The following PATJ variants were observed in gnomAD, a reference collection of about 807,000 sequenced individuals.
The protein encoded by PATJ is PATJ crumbs cell polarity complex component, also known as inaD-like protein.
In PATJ, 190 loss-of-function variants were observed where a neutral mutation model predicts 224.9. The ratio of observed to expected loss-of-function variants is 0.84; its 90% CI spans 0.75 to 0.95. The LOEUF is 0.95. Among genes scored for constraint, PATJ ranks in the 40% least tolerant of loss-of-function variants. The pLI is 0.00. For missense variants in PATJ, 2,121 were observed against 2,270.3 expected, an observed-to-expected ratio of 0.93 and a Z score of 1.34; for synonymous variants, 769 against 820.3, an observed-to-expected ratio of 0.94 and a Z score of 1.07.
intron 41 of PATJ, among the ~76,000 whole-genome samples, chr1:62,142,205 C>T (rs1667573555): frequency 6.6e-6 from 1 of 152,128 alleles, no homozygotes; most frequent in Admixed American, 6.6e-5. Flanking sequence ...CAACAGTACC[C>T]GTGTAACTTC....
At chr1:61,998,524 G>T (rs1645555002) in intron 28 of PATJ, among the ~76,000 whole-genome samples, 1 of 152,184 alleles carries the variant, frequency 6.6e-6, no homozygotes, top group Admixed American at 6.5e-5. Flanking sequence ...ACTGTGCCCA[G>T]CCTGTCTTCT....
chr1:62,155,915 G>A (rs28393603), intron 43 of PATJ, among the ~76,000 whole-genome samples: 5 of 151,468 alleles, frequency 3.3e-5, no homozygotes, highest in East Asian at 3.9e-4. Context: ...AAAATTAGCC[G>A]GGCATGGTGG....
intron 6 of PATJ, among the ~76,000 whole-genome samples, chr1:61,773,040 G>T (rs113022336): frequency 0.011 from 1,679 of 151,776 alleles, 10 homozygotes; most frequent in Non-Finnish European, 0.016. Flanking sequence ...GCTTTTTTTT[G>T]AGATGGAGTC....
At chr1:62,100,429 G>C (rs1183057555) in intron 33 of PATJ, 1 of 717,886 alleles carries the variant, frequency 1.4e-6, no homozygotes, top group Non-Finnish European at 2.6e-6. Flanking sequence ...GAGGCAGAGA[G>C]GGAGGGGGGC....
At chr1:61,786,071 G>T (rs910778245) in intron 7 of PATJ, among the ~76,000 whole-genome samples, 2 of 152,096 alleles carry the variant, frequency 1.3e-5, no homozygotes, top group African/African-American at 4.8e-5. Flanking sequence ...GCCCAAGCTG[G>T]AGTGCAGTGG....
chr1:61,760,417 G>T (rs1391978429), intron 1 of PATJ, among the ~76,000 whole-genome samples: 1 of 151,974 alleles, frequency 6.6e-6, no homozygotes, highest in Admixed American at 6.6e-5. Flanking sequence ...TTCTTTGATG[G>T]TTCATTACAA....
intron 29 of PATJ, among the ~76,000 whole-genome samples, chr1:62,035,789 T>C (rs1417948658): frequency 3.3e-5 from 5 of 151,864 alleles, no homozygotes; most frequent in South Asian, 4.2e-4. Context: ...AGGTAAAATA[T>C]GAAAGGAGCA....
intron 1 of PATJ, among the ~76,000 whole-genome samples, chr1:61,752,626 T>C (rs1029408180): frequency 5.3e-5 from 8 of 152,166 alleles, no homozygotes; most frequent in African/African-American, 7.2e-5. Flanking sequence ...GCGCCTGGCC[T>C]TCATTTCTTT....
At chr1:62,124,530 G>GATACCTCT (rs1350694203) in intron 39 of PATJ, among the ~76,000 whole-genome samples, 5 of 152,202 alleles carry the variant, frequency 3.3e-5, no homozygotes, top group African/African-American at 1.2e-4. Flanking sequence ...TCTGTTTGAA[G>GATACCTCT]GCATTCTACC....
intron 33 of PATJ, among the ~76,000 whole-genome samples, chr1:62,091,736 G>C (rs576499324): frequency 6.6e-6 from 1 of 151,938 alleles, no homozygotes; most frequent in South Asian, 2.1e-4. Context: ...CGGCAACATA[G>C]TGAGACCCCA....
At chr1:61,873,295 G>A (rs1666893726) in intron 20 of PATJ, among the ~76,000 whole-genome samples, 1 of 152,022 alleles carries the variant, frequency 6.6e-6, no homozygotes, top group Admixed American at 6.6e-5. Flanking sequence ...AGCCTCCTGA[G>A]TAGCTGGGAC....
chr1:61,816,907 GCTGATACT>G (rs1656217420), intron 14 of PATJ, among the ~76,000 whole-genome samples: 1 of 152,158 alleles, frequency 6.6e-6, no homozygotes, highest in African/African-American at 2.4e-5. Flanking sequence ...GTTCCTCCTT[GCTGATACT>G]CTGATTCTGT....
At chr1:61,939,728 G>A (rs577743806) in intron 27 of PATJ, among the ~76,000 whole-genome samples, 87 of 116,884 alleles carry the variant, frequency 7.4e-4, no homozygotes, top group African/African-American at 2.9e-3. Context: ...ATGCTGGACT[G>A]CAGTGGTGTG....
At chr1:61,928,227 A>C (rs946326774) in intron 27 of PATJ, among the ~76,000 whole-genome samples, 2 of 152,308 alleles carry the variant, frequency 1.3e-5, no homozygotes, top group African/African-American at 4.8e-5. Flanking sequence ...AAGGCCCACC[A>C]ACTTGTATTT....
At chr1:62,136,673 GTGTGTGTGTGTGTGTGTGTC>G (rs1156829816) in intron 41 of PATJ, among the ~76,000 whole-genome samples, 7 of 150,900 alleles carry the variant, frequency 4.6e-5, no homozygotes, top group African/African-American at 1.5e-4. Flanking sequence ...GTCTGTGTGT[GTGTGTGTGTGTGTGTGTGTC>G]TGTGTGTGTG....
chr1:61,743,001 C>T (rs940405442), intron 1 of PATJ, among the ~76,000 whole-genome samples: 1 of 152,128 alleles, frequency 6.6e-6, no homozygotes, highest in Non-Finnish European at 1.5e-5. Flanking sequence ...TGTTTCGCTC[C>T]CAGAGCTGGG....
intron 27 of PATJ, among the ~76,000 whole-genome samples, chr1:61,977,090 T>C (rs1644176745): frequency 6.6e-6 from 1 of 152,066 alleles, no homozygotes. Flanking sequence ...TTTTTGTTTG[T>C]TTGCTTGTTT....
At chr1:62,111,811 C>A (rs147058953) in intron 34 of PATJ, among the ~76,000 whole-genome samples, 2,639 of 152,116 alleles carry the variant, frequency 0.017, 85 homozygotes, top group African/African-American at 0.06. Context: ...TGGGCGCCTG[C>A]CACCAGGCTT....
At chr1:62,002,681 C>G (rs910536708) in intron 28 of PATJ, among the ~76,000 whole-genome samples, 2 of 141,648 alleles carry the variant, frequency 1.4e-5, no homozygotes, top group Non-Finnish European at 3.0e-5. Context: ...TGCACTCAAA[C>G]CTGGGCAACA....
Sources: gnomAD v4.1 joint callset for allele counts (sites outside exome capture counted in the v4.1 genomes callset) on GRCh38, gnomAD v4.1.1 for gene constraint, MANE v1.5 for transcripts, NCBI Gene and HGNC (gene_info 2026-07-23, HGNC 2026-07-21) for gene names.